Variants in ATXN1 observed in about 807,000 individuals in gnomAD.
ATXN1 encodes ataxin 1.
A neutral mutation model predicts 56.4 loss-of-function variants in ATXN1; 8 were observed. The observed-to-expected ratio is 0.14, with a 90% CI of 0.08 to 0.26. The LOEUF (loss-of-function observed/expected upper bound fraction) is 0.26, where lower values mean the gene tolerates loss of function less well. Among genes scored for constraint, ATXN1 ranks in the 10% least tolerant of loss-of-function variants. ATXN1 has a pLI of 1.00. For missense variants in ATXN1, 987 were observed against 1,106.5 expected (o/e 0.89, Z 1.53); for synonymous variants, 514 against 494.6 (o/e 1.04, Z -0.52).
intron 2 of ATXN1, among the ~76,000 whole-genome samples, chr6:16,751,705 T>C (rs1760724280): frequency 6.6e-6 from 1 of 152,224 alleles, no homozygotes; most frequent in South Asian, 2.1e-4. Flanking sequence ...CGTAGATGTC[T>C]ACAGGGTGGG....
chr6:16,756,178 A>C (rs553840298), intron 1 of ATXN1, among the ~76,000 whole-genome samples: 2 of 152,164 alleles, frequency 1.3e-5, no homozygotes, highest in South Asian at 4.1e-4. Flanking sequence ...AACTTTCCAT[A>C]AGATTTGTCT....
intron 6 of ATXN1, among the ~76,000 whole-genome samples, chr6:16,475,712 C>T (rs183613353): frequency 1.7e-4 from 26 of 152,140 alleles, no homozygotes; most frequent in African/African-American, 5.8e-4. Flanking sequence ...TAATGATCTT[C>T]CTTTGGAAGA....
At chr6:16,483,279 G>A (rs571987106) in intron 6 of ATXN1, among the ~76,000 whole-genome samples, 1 of 152,118 alleles carries the variant, frequency 6.6e-6, no homozygotes, top group African/African-American at 2.4e-5. Context: ...GCTGAGCATG[G>A]GAACCACTAC....
chr6:16,624,474 T>C (rs1763373778), intron 3 of ATXN1, among the ~76,000 whole-genome samples: 1 of 152,150 alleles, frequency 6.6e-6, no homozygotes, highest in Non-Finnish European at 1.5e-5. Flanking sequence ...TTTTATAGTG[T>C]ATGCCTTTTG....
intron 2 of ATXN1, among the ~76,000 whole-genome samples, chr6:16,693,673 T>G (rs1439068751): frequency 1.3e-5 from 2 of 152,172 alleles, no homozygotes; most frequent in Non-Finnish European, 2.9e-5. Context: ...TAATTGATGC[T>G]CATCATGGCC....
intron 3 of ATXN1, among the ~76,000 whole-genome samples, chr6:16,636,613 T>TA (rs1763602006): frequency 6.6e-6 from 1 of 152,256 alleles, no homozygotes; most frequent in South Asian, 2.1e-4. Context: ...TTATGGCTAC[T>TA]AACATAAAAG....
At chr6:16,346,333 G>A (rs576650885) in intron 6 of ATXN1, among the ~76,000 whole-genome samples, 1 of 152,104 alleles carries the variant, frequency 6.6e-6, no homozygotes. Flanking sequence ...GTGAGCCACC[G>A]CTTGGGATTA....
At chr6:16,707,676 G>C (rs1369727857) in intron 2 of ATXN1, among the ~76,000 whole-genome samples, 1 of 152,196 alleles carries the variant, frequency 6.6e-6, no homozygotes, top group Non-Finnish European at 1.5e-5. Flanking sequence ...AGGTGGTTAA[G>C]TCTCAGTAGA....
intron 4 of ATXN1, among the ~76,000 whole-genome samples, chr6:16,544,456 G>C (rs976155076): frequency 2.0e-5 from 3 of 152,120 alleles, no homozygotes; most frequent in Non-Finnish European, 4.4e-5. Flanking sequence ...ACTTTTGGGG[G>C]CTTAAAATCC....
At chr6:16,753,417 A>T (rs888129042) in intron 1 of ATXN1, 70 bp from the exon 2 acceptor site, 9 of 451,842 alleles carry the variant, frequency 2.0e-5, no homozygotes, top group Non-Finnish European at 3.6e-5. Flanking sequence ...TTTAAAAAAT[A>T]AGTCCACCTT....
intron 4 of ATXN1, among the ~76,000 whole-genome samples, chr6:16,554,114 T>C (rs904863297): frequency 7.9e-5 from 12 of 152,220 alleles, no homozygotes; most frequent in Non-Finnish European, 1.0e-4. Context: ...GATATGTCTA[T>C]GCCACAACAC....
chr6:16,729,385 C>G (rs1561825860), intron 2 of ATXN1, among the ~76,000 whole-genome samples: 1 of 152,178 alleles, frequency 6.6e-6, no homozygotes, highest in Non-Finnish European at 1.5e-5. Flanking sequence ...CGTTCGCTGG[C>G]TTTCTTTGAA....
intron 1 of ATXN1, among the ~76,000 whole-genome samples, chr6:16,755,056 G>C (rs1439621042): frequency 1.3e-5 from 2 of 152,176 alleles, no homozygotes; most frequent in Non-Finnish European, 2.9e-5. Context: ...TTGCCTATAT[G>C]ACAATGTGTG....
chr6:16,597,695 C>CT (rs903197773), intron 3 of ATXN1, among the ~76,000 whole-genome samples: 1 of 150,340 alleles, frequency 6.7e-6, no homozygotes, highest in African/African-American at 2.5e-5. Flanking sequence ...CCGCCTCGGC[C>CT]TCCCAAGGTG....
chr6:16,463,195 C>T (rs2113628935), intron 6 of ATXN1, among the ~76,000 whole-genome samples: 1 of 152,230 alleles, frequency 6.6e-6, no homozygotes, highest in South Asian at 2.1e-4. Context: ...ACTCACACAC[C>T]TTTTTAACAT....
At chr6:16,361,636 C>A (rs558657635) in intron 6 of ATXN1, among the ~76,000 whole-genome samples, 1 of 152,274 alleles carries the variant, frequency 6.6e-6, no homozygotes, top group African/African-American at 2.4e-5. Flanking sequence ...ACTTAACTTG[C>A]AGATCTTTTT....
intron 2 of ATXN1, among the ~76,000 whole-genome samples, chr6:16,722,714 T>C (rs926022665): frequency 6.6e-6 from 1 of 152,258 alleles, no homozygotes; most frequent in African/African-American, 2.4e-5. Flanking sequence ...CCTGAGTCTC[T>C]ATTGGCTTTA....
chr6:16,640,637 C>T (rs1763691673), intron 3 of ATXN1, among the ~76,000 whole-genome samples: 1 of 150,916 alleles, frequency 6.6e-6, no homozygotes, highest in African/African-American at 2.4e-5. Flanking sequence ...AAGCAGAGAT[C>T]GTGCCACTGC....
chr6:16,354,080 C>A (rs1410742804), intron 6 of ATXN1, among the ~76,000 whole-genome samples: 1 of 152,150 alleles, frequency 6.6e-6, no homozygotes, highest in African/African-American at 2.4e-5. Flanking sequence ...ACACTCCAGG[C>A]CACTGAACTC....
Sources: allele counts gnomAD v4.1 joint callset (sites outside exome capture counted in the v4.1 genomes callset), GRCh38; gene constraint gnomAD v4.1.1; transcripts MANE v1.5; gene names NCBI Gene and HGNC (gene_info 2026-07-23, HGNC 2026-07-21).